NRG3: variants seen among roughly 807,000 people sequenced by gnomAD.
NRG3 encodes the protein neuregulin 3.
In NRG3, 31 loss-of-function variants were observed where a neutral mutation model predicts 66.9. The observed-to-expected ratio is 0.46, with a 90% CI of 0.35 to 0.63. The LOEUF (loss-of-function observed/expected upper bound fraction) is 0.63, where lower values mean the gene tolerates loss of function less well. Among genes scored for constraint, NRG3 ranks in the 20% least tolerant of loss-of-function variants. The probability of loss-of-function intolerance (pLI) is 0.00; values close to 1 mark genes in which losing one functional copy is unlikely to be tolerated. For missense variants in NRG3, 910 were observed against 878.9 expected, an observed-to-expected ratio of 1.04 and a Z score of -0.45; for synonymous variants, 393 against 359.4, an observed-to-expected ratio of 1.09 and a Z score of -1.06.
At chr10:82,921,835 T>G (rs2132071150) in intron 4 of NRG3, among the ~76,000 whole-genome samples, 1 of 152,272 alleles carries the variant, frequency 6.6e-6, no homozygotes, top group Admixed American at 6.5e-5. Context: ...AATGTGGTTT[T>G]GTTGAGGCAA....
At chr10:82,718,845 T>C (rs1252824905) in intron 2 of NRG3, among the ~76,000 whole-genome samples, 1 of 152,216 alleles carries the variant, frequency 6.6e-6, no homozygotes, top group Non-Finnish European at 1.5e-5. Context: ...CTAATGATGT[T>C]GTAGCCTAGG....
At chr10:82,741,296 G>A (rs75871569) in intron 3 of NRG3, among the ~76,000 whole-genome samples, 1 of 152,228 alleles carries the variant, frequency 6.6e-6, no homozygotes, top group East Asian at 1.9e-4. Flanking sequence ...GGATCCCGCA[G>A]ATTAGTGAGG....
chr10:82,540,502 TTG>T (rs771643042), intron 2 of NRG3, among the ~76,000 whole-genome samples: 9 of 151,110 alleles, frequency 6.0e-5, no homozygotes, highest in African/African-American at 1.5e-4. Flanking sequence ...GGGGATGTGT[TTG>T]TGTGTGTGTG....
At chr10:82,795,017 T>C (rs2060739699) in intron 3 of NRG3, among the ~76,000 whole-genome samples, 1 of 152,164 alleles carries the variant, frequency 6.6e-6, no homozygotes, top group African/African-American at 2.4e-5. Flanking sequence ...ATGCTGTCAC[T>C]GAGAAAGAGG....
At chr10:82,143,007 G>A (rs553235011) in intron 1 of NRG3, among the ~76,000 whole-genome samples, 14 of 149,674 alleles carry the variant, frequency 9.4e-5, no homozygotes, top group African/African-American at 2.7e-4. Context: ...GGGCTCAAGC[G>A]ATCCTCCTGC....
At chr10:82,399,717 G>A (rs977215557) in intron 2 of NRG3, among the ~76,000 whole-genome samples, 3 of 152,140 alleles carry the variant, frequency 2.0e-5, no homozygotes, top group African/African-American at 7.2e-5. Flanking sequence ...CTAATTGGGG[G>A]TTAGAGTTTC....
intron 2 of NRG3, among the ~76,000 whole-genome samples, chr10:82,731,105 G>A (rs1301095005): frequency 1.4e-4 from 21 of 152,000 alleles, no homozygotes; most frequent in Admixed American, 4.6e-4. Flanking sequence ...GGTGGCTCAC[G>A]TCTGTAATCC....
chr10:82,301,321 G>A (rs1212748759), intron 1 of NRG3, among the ~76,000 whole-genome samples: 3 of 151,966 alleles, frequency 2.0e-5, no homozygotes, highest in Admixed American at 6.6e-5. Flanking sequence ...ATGATTTCTC[G>A]ATGTATTAAA....
rs12255304 is a variant in NRG3, at chr10:82,206,488, G to T, written c.824-152251G>T. Among the ~76,000 whole-genome samples, 925 of 152,278 alleles carry T rather than the reference G, an allele frequency of 6.1e-3. 5 individuals are homozygous for T. The highest frequency in any genetic ancestry group is 0.021 in the African/African-American group (880 of 41,554). On this transcript the variant is annotated intron_variant, in intron 1 of 8. Transcript: ENST00000372141. ...CTTCTGATCCTCAAGCAGCCTGCCTGGAAGTGAGCATGTTGCAGGAATAGT... is the reference window on the plus strand; with the variant it reads ...CTTCTGATCCTCAAGCAGCCTGCCTTGAAGTGAGCATGTTGCAGGAATAGT...
At chr10:82,684,792 G>T (rs1379736572) in intron 2 of NRG3, among the ~76,000 whole-genome samples, 1 of 152,128 alleles carries the variant, frequency 6.6e-6, no homozygotes, top group Admixed American at 6.5e-5. Context: ...AAACAGAAAA[G>T]ATTGGGGCAT....
At chr10:82,639,616 G>A (rs1320477714) in intron 2 of NRG3, among the ~76,000 whole-genome samples, 1 of 152,130 alleles carries the variant, frequency 6.6e-6, no homozygotes, top group South Asian at 2.1e-4. Context: ...TTTCAAAGCT[G>A]CTAGAAGTTA....
At chr10:82,163,159 T>C (rs2071737930) in intron 1 of NRG3, among the ~76,000 whole-genome samples, 1 of 152,238 alleles carries the variant, frequency 6.6e-6, no homozygotes, top group South Asian at 2.1e-4. Context: ...CTTCCAAATT[T>C]ACCGACAGCT....
At chr10:82,952,068 G>A (rs546344470) in intron 5 of NRG3, among the ~76,000 whole-genome samples, 28 of 152,336 alleles carry the variant, frequency 1.8e-4, no homozygotes, top group South Asian at 4.1e-4. Flanking sequence ...GTATGCACAT[G>A]TTGAATATGC....
chr10:82,746,362 G>A (rs1259597832), intron 3 of NRG3, among the ~76,000 whole-genome samples: 2 of 152,102 alleles, frequency 1.3e-5, no homozygotes, highest in Non-Finnish European at 2.9e-5. Flanking sequence ...ACTCTACCCG[G>A]GAAGAGGATT....
intron 3 of NRG3, among the ~76,000 whole-genome samples, chr10:82,775,508 T>A (rs1208228497): frequency 1.3e-5 from 2 of 152,140 alleles, no homozygotes; most frequent in East Asian, 3.9e-4. Context: ...AATTTTTTAA[T>A]ACTTGTTTTG....
At chr10:82,198,871 T>C (rs1228285319) in intron 1 of NRG3, among the ~76,000 whole-genome samples, 2 of 151,606 alleles carry the variant, frequency 1.3e-5, no homozygotes, top group Non-Finnish European at 2.9e-5. Context: ...GTGGCACACA[T>C]CTGTAATCCC....
At chr10:82,103,433 C>A (rs2066880430) in intron 1 of NRG3, among the ~76,000 whole-genome samples, 1 of 152,150 alleles carries the variant, frequency 6.6e-6, no homozygotes, top group Non-Finnish European at 1.5e-5. Flanking sequence ...TAGGTTTGGA[C>A]TGTGAGTGTT....
intron 1 of NRG3, among the ~76,000 whole-genome samples, chr10:82,199,892 G>A (rs931676855): frequency 1.0e-4 from 2 of 19,946 alleles, no homozygotes; most frequent in Non-Finnish European, 1.9e-4. Context: ...GTGTGTGCGT[G>A]TGTGTGTGTG....
intron 2 of NRG3, among the ~76,000 whole-genome samples, chr10:82,540,750 A>G (rs920199872): frequency 2.6e-5 from 4 of 152,198 alleles, no homozygotes; most frequent in Middle Eastern, 3.2e-3. Flanking sequence ...GATTGACAGC[A>G]TATGGAAATA....
Sources: allele counts gnomAD v4.1 joint callset (sites outside exome capture counted in the v4.1 genomes callset), GRCh38; gene constraint gnomAD v4.1.1; transcripts MANE v1.5; gene names NCBI Gene and HGNC (gene_info 2026-07-23, HGNC 2026-07-21).